The following TMEM212 variants were observed in gnomAD, a reference collection of about 807,000 sequenced individuals.
The protein encoded by TMEM212 is transmembrane protein 212.
Under a neutral mutation model 20.5 loss-of-function variants are expected in TMEM212, and 23 were observed. The observed-to-expected ratio is 1.12, with a 90% confidence interval of 0.81 to 1.59. The LOEUF (loss-of-function observed/expected upper bound fraction) is 1.59, where lower values mean the gene tolerates loss of function less well. TMEM212 is among the 40% of genes most tolerant of loss of function. The pLI is 0.00. For missense variants in TMEM212, 211 were observed against 215.0 expected, an observed-to-expected ratio of 0.98 and a Z score of 0.12; for synonymous variants, 76 against 81.6, an observed-to-expected ratio of 0.93 and a Z score of 0.37.
At position 171,843,413 on chromosome 3, in the gene TMEM212, G is replaced by A; in HGVS notation, c.30G>A (p.Arg10=). 6.5e-7 allele frequency: 1 copy of A among 1,536,600 alleles called. No individual in the cohort carries two copies. The highest frequency in any genetic ancestry group is 8.7e-7 in the Non-Finnish European group (1 of 1,146,576). The stretch of plus-strand genomic sequence containing the variant: ...AGGGCCTCTACCAGGCTGCTGGCCG[G>A]ATTCTTGTTACTCTGGGGATCCTCA... MKGLYQAAG[R]ILVTLGILSV... The change falls in exon 1 of 5, where the codon CGG becomes CGA. Residue 10 remains arginine, a synonymous_variant. Coordinates refer to ENST00000334567, the MANE Select transcript of TMEM212 (RefSeq NM_001164436.2).
At chr3:171,857,826 A>AATGCCTAC (rs1444461687) in intron 4 of TMEM212, among the ~76,000 whole-genome samples, 1 of 152,184 alleles carries the variant, frequency 6.6e-6, no homozygotes, top group African/African-American at 2.4e-5. Context: ...GGGAAATGCA[A>AATGCCTAC]ATCAAAACCA....
chr3:171,857,106 G>C (rs1202150353), intron 4 of TMEM212: 1 of 154,786 alleles, frequency 6.5e-6, no homozygotes, highest in Non-Finnish European at 1.4e-5. Flanking sequence ...CTGAACTAGA[G>C]AATTTCCACT....
chr3:171,854,689 G>A (rs1389259625), intron 3 of TMEM212, among the ~76,000 whole-genome samples: 3 of 152,126 alleles, frequency 2.0e-5, no homozygotes, highest in Non-Finnish European at 4.4e-5. Context: ...CATAGCCAAA[G>A]CGAACTTGAG....
intron 2 of TMEM212, among the ~76,000 whole-genome samples, chr3:171,852,440 A>G (rs960484473): frequency 4.6e-5 from 7 of 152,182 alleles, no homozygotes; most frequent in African/African-American, 1.7e-4. Flanking sequence ...ACCTCAGGTG[A>G]TCCACCCACA....
At chr3:171,852,100 A>G (rs1027521167) in intron 2 of TMEM212, 59 bp downstream of exon 2, 2 of 1,304,420 alleles carry the variant, frequency 1.5e-6, no homozygotes, top group African/African-American at 2.9e-5. Context: ...AATCACTACT[A>G]AGTTCAGGAT....
chr3:171,844,803 C>A (rs1436084154), intron 1 of TMEM212, among the ~76,000 whole-genome samples: 4 of 152,094 alleles, frequency 2.6e-5, no homozygotes, highest in Non-Finnish European at 4.4e-5. Context: ...AAAAACTAGA[C>A]CTCAGGAAAT....
chr3:171,847,413 T>C (rs1362989100), intron 1 of TMEM212, among the ~76,000 whole-genome samples: 3 of 152,176 alleles, frequency 2.0e-5, no homozygotes, highest in Non-Finnish European at 4.4e-5. Flanking sequence ...TTCTGCCCCT[T>C]CCTCGACGGT....
At chr3:171,851,408 A>C (rs564618939) in intron 1 of TMEM212, among the ~76,000 whole-genome samples, 1 of 152,344 alleles carries the variant, frequency 6.6e-6, no homozygotes, top group Admixed American at 6.5e-5. Flanking sequence ...GAAAGGCTGG[A>C]CACCACTGTA....
intron 1 of TMEM212, among the ~76,000 whole-genome samples, chr3:171,849,495 T>C (rs932352173): frequency 6.6e-6 from 1 of 152,216 alleles, no homozygotes; most frequent in Non-Finnish European, 1.5e-5. Context: ...ATCTACATGA[T>C]AAGGTCATTG....
intron 1 of TMEM212, among the ~76,000 whole-genome samples, chr3:171,848,007 C>A (rs1185782565): frequency 6.6e-6 from 1 of 152,138 alleles, no homozygotes; most frequent in Non-Finnish European, 1.5e-5. Flanking sequence ...ACTTAGATAT[C>A]CTAAGCTGCT....
chr3:171,850,302 A>G (rs1724947304), intron 1 of TMEM212, among the ~76,000 whole-genome samples: 1 of 152,206 alleles, frequency 6.6e-6, no homozygotes, highest in Admixed American at 6.5e-5. Flanking sequence ...CTACTGCATG[A>G]AAGATCTTTT....
intron 1 of TMEM212, among the ~76,000 whole-genome samples, chr3:171,849,491 A>C (rs1724922430): frequency 6.6e-6 from 1 of 152,220 alleles, no homozygotes; most frequent in African/African-American, 2.4e-5. Context: ...GGATATCTAC[A>C]TGATAAGGTC....
chr3:171,855,415 C>A (rs1725091211), intron 3 of TMEM212, among the ~76,000 whole-genome samples: 1 of 152,110 alleles, frequency 6.6e-6, no homozygotes, highest in Non-Finnish European at 1.5e-5. Context: ...GAGTTCAAAA[C>A]CAGCCTGGCC....
intron 1 of TMEM212, among the ~76,000 whole-genome samples, chr3:171,845,571 T>G (rs1455416766): frequency 6.6e-6 from 1 of 152,242 alleles, no homozygotes; most frequent in Non-Finnish European, 1.5e-5. Context: ...TGTATTGTTC[T>G]AGGCCAAACA....
At chr3:171,847,491 C>G (rs1578514316) in intron 1 of TMEM212, among the ~76,000 whole-genome samples, 3 of 152,340 alleles carry the variant, frequency 2.0e-5, no homozygotes, top group African/African-American at 7.2e-5. Flanking sequence ...TGTCTTCCAA[C>G]TGCCTGATGG....
chr3:171,845,440 TATC>T (rs761073885), intron 1 of TMEM212, among the ~76,000 whole-genome samples: 56 of 152,348 alleles, frequency 3.7e-4, no homozygotes, highest in Non-Finnish European at 6.8e-4. Flanking sequence ...AGTTTAACAA[TATC>T]ATGATTAGAG....
intron 2 of TMEM212, among the ~76,000 whole-genome samples, 164 bp downstream of exon 2, chr3:171,852,205 ATT>A: frequency 6.8e-6 from 1 of 146,366 alleles, no homozygotes; most frequent in African/African-American, 2.5e-5. Flanking sequence ...GTTTTAAAAG[ATT>A]TTTTTTTTTT....
chr3:171,844,524 G>A (rs1724789767), intron 1 of TMEM212, among the ~76,000 whole-genome samples: 1 of 152,142 alleles, frequency 6.6e-6, no homozygotes, highest in African/African-American at 2.4e-5. Context: ...TGACCAACAT[G>A]GCGAAACCCC....
At position 171,853,284 on chromosome 3, in the gene TMEM212, C is replaced by T. The variant is rs76291647; in HGVS notation, c.220-243C>T. Among the ~76,000 whole-genome samples the T allele has an allele frequency of 9.4e-3, 1,427 of 151,036 alleles. 9 individuals are homozygous for T. Among genetic ancestry groups the T allele is most frequent in the Middle Eastern group, 0.038 (11 of 290 alleles). Reference sequence around the variant, plus strand: ...GGCACATGTTAACCTATGTGACAAACCTGCACATCTTGCACATGTATCCCG... The same window carrying T: ...GGCACATGTTAACCTATGTGACAAATCTGCACATCTTGCACATGTATCCCG... On this transcript the variant is annotated intron_variant, in intron 2 of 4. Transcript: ENST00000334567.
Sources: gnomAD v4.1 joint callset for allele counts (sites outside exome capture counted in the v4.1 genomes callset) on GRCh38, gnomAD v4.1.1 for gene constraint, MANE v1.5 for transcripts, NCBI Gene and HGNC (gene_info 2026-07-23, HGNC 2026-07-21) for gene names.